Variants in SETD5 observed in about 807,000 individuals in gnomAD.
SETD5 encodes SET domain containing 5.
In SETD5, 44 loss-of-function variants were observed where a neutral mutation model predicts 153.3. The ratio of observed to expected loss-of-function variants is 0.29; its 90% CI spans 0.23 to 0.37. The LOEUF is 0.37. Ranked by LOEUF, SETD5 falls within the 10% of genes least tolerant of loss-of-function variation. SETD5 has a pLI of 1.00. For missense variants in SETD5, 1,544 were observed against 1,768.0 expected (o/e 0.87, Z 2.27); for synonymous variants, 716 against 645.2 (o/e 1.11, Z -1.66).
At chr3:9,447,362 T>G (rs2042138199) in intron 14 of SETD5, 55 bp downstream of exon 14, 2 of 1,551,948 alleles carry the variant, frequency 1.3e-6, no homozygotes, top group Admixed American at 4.3e-5. Flanking sequence ...CTAATGTCAA[T>G]ACCTAACTTT....
chr3:9,436,014 G>A (rs2040520164), intron 7 of SETD5, 108 bp downstream of exon 7: 2 of 1,053,446 alleles, frequency 1.9e-6, no homozygotes, highest in East Asian at 5.2e-5. Context: ...GTGTTTGAAG[G>A]GCCACTTTTG....
intron 1 of SETD5, among the ~76,000 whole-genome samples, chr3:9,412,399 T>TG (rs1193532018): frequency 2.2e-4 from 27 of 123,274 alleles, no homozygotes; most frequent in Middle Eastern, 7.4e-3. Context: ...TTTTTTTTTT[T>TG]TTTTTTTTTT....
chr3:9,444,442 C>T (rs747227412), intron 11 of SETD5, among the ~76,000 whole-genome samples: 2 of 151,922 alleles, frequency 1.3e-5, no homozygotes, highest in Non-Finnish European at 2.9e-5. Flanking sequence ...ATCGTGGGCA[C>T]AAGATGAGTA....
chr3:9,403,604 C>T (rs2035181434), intron 1 of SETD5, among the ~76,000 whole-genome samples: 1 of 152,196 alleles, frequency 6.6e-6, no homozygotes, highest in Non-Finnish European at 1.5e-5. Flanking sequence ...TTAATTTCAG[C>T]CTCATCCTTA....
At chr3:9,401,415 G>T (rs1188936809) in intron 1 of SETD5, among the ~76,000 whole-genome samples, 3 of 152,098 alleles carry the variant, frequency 2.0e-5, no homozygotes, top group African/African-American at 7.2e-5. Flanking sequence ...TTTTTTAGAG[G>T]ATCATACAGG....
chr3:9,442,450 TAGAAA>T (rs1191507444), intron 10 of SETD5, among the ~76,000 whole-genome samples: 58 of 152,002 alleles, frequency 3.8e-4, no homozygotes, highest in Admixed American at 3.8e-3. Context: ...AAGGCAGAAA[TAGAAA>T]AGAGCAAGTT....
At position 9,415,519 on chromosome 3, in the gene SETD5, A is replaced by G. The variant is rs184830329; in HGVS notation, c.-176-8948A>G. ...AAGATTTTATTTTGCTCAGTAACCT[A>G]CTAGACATATATTAGTGTTTGTTTG... On this transcript the variant is annotated intron_variant, in intron 1 of 22. Coordinates refer to ENST00000402198, the MANE Select transcript of SETD5 (RefSeq NM_001080517.3). Among the ~76,000 whole-genome samples the G allele has an allele frequency of 4.1e-4, 63 of 152,278 alleles. 2 individuals are homozygous for G. In the East Asian group the frequency reaches 7.9e-3, roughly 19 times the overall value.
chr3:9,465,178 T>C (rs2044409264), intron 18 of SETD5, among the ~76,000 whole-genome samples: 1 of 152,206 alleles, frequency 6.6e-6, no homozygotes, highest in South Asian at 2.1e-4. Context: ...TTATGGCGAA[T>C]GTGGGTTTTT....
intron 1 of SETD5, among the ~76,000 whole-genome samples, chr3:9,400,858 A>T (rs1483554981): frequency 6.6e-6 from 1 of 152,194 alleles, no homozygotes; most frequent in Admixed American, 6.5e-5. Flanking sequence ...CATTAGGATG[A>T]TCTCTGATTA....
intron 3 of SETD5, 42 bp from the exon 4 acceptor site, chr3:9,433,803 T>G (rs2125090289): frequency 1.3e-6 from 2 of 1,575,116 alleles, no homozygotes; most frequent in East Asian, 4.5e-5. Context: ...AAGGGAAGAT[T>G]AGGTGTTATG....
chr3:9,406,607 C>CAAAAAAAAAAAAAAAAAAAA (rs746999028), intron 1 of SETD5, among the ~76,000 whole-genome samples: 17 of 99,246 alleles, frequency 1.7e-4, no homozygotes, highest in African/African-American at 6.3e-4. Context: ...GACTCTGTCT[C>CAAAAAAAAAAAAAAAAAAAA]AAAAAAAAAA....
chr3:9,462,874 A>T (rs1008517114), intron 17 of SETD5, among the ~76,000 whole-genome samples: 2 of 151,888 alleles, frequency 1.3e-5, no homozygotes, highest in African/African-American at 4.8e-5. Context: ...AAAATTAGAT[A>T]TTTCACAATA....
chr3:9,459,991 A>T (rs2043757118), intron 17 of SETD5, among the ~76,000 whole-genome samples: 1 of 152,040 alleles, frequency 6.6e-6, no homozygotes, highest in South Asian at 2.1e-4. Context: ...TCCCACTATT[A>T]CCATTATTAT....
chr3:9,457,372 C>A (rs111979419), intron 17 of SETD5, among the ~76,000 whole-genome samples: 11,359 of 151,650 alleles, frequency 0.075, 565 homozygotes, highest in Middle Eastern at 0.13. Flanking sequence ...CTTGTAGTCC[C>A]GCTACTCGGG....
At chr3:9,399,827 CAAAA>C (rs33940536) in intron 1 of SETD5, among the ~76,000 whole-genome samples, 10 of 128,672 alleles carry the variant, frequency 7.8e-5, no homozygotes, top group Non-Finnish European at 1.0e-4. Flanking sequence ...AGCACTGGTC[CAAAA>C]AAAAAAAAAA....
At chr3:9,433,376 C>G in intron 3 of SETD5, 1 of 1,289,726 alleles carries the variant, frequency 7.8e-7, no homozygotes. Flanking sequence ...TCAGGGTATC[C>G]TGTCTTGGTA....
intron 3 of SETD5, among the ~76,000 whole-genome samples, chr3:9,432,837 T>G (rs551070932): frequency 6.6e-6 from 1 of 152,346 alleles, no homozygotes; most frequent in African/African-American, 2.4e-5. Context: ...TACAAAAAGA[T>G]ACTAAACCAA....
chr3:9,399,860 G>T (rs568425006), intron 1 of SETD5, among the ~76,000 whole-genome samples: 1 of 151,338 alleles, frequency 6.6e-6, no homozygotes, highest in Non-Finnish European at 1.5e-5. Flanking sequence ...TGTAAGGAGT[G>T]GGGGTGGGGT....
intron 1 of SETD5, among the ~76,000 whole-genome samples, chr3:9,414,819 T>C (rs1278337753): frequency 2.0e-5 from 3 of 152,186 alleles, no homozygotes; most frequent in Non-Finnish European, 4.4e-5. Context: ...GCATGGATTT[T>C]TTTTTTTTAA....
Sources: gnomAD v4.1 joint callset for allele counts (sites outside exome capture counted in the v4.1 genomes callset) on GRCh38, gnomAD v4.1.1 for gene constraint, MANE v1.5 for transcripts, NCBI Gene and HGNC (gene_info 2026-07-23, HGNC 2026-07-21) for gene names.